FBF1: variants seen among roughly 807,000 people sequenced by gnomAD.
FBF1 encodes fas-binding factor 1.
In FBF1, 119 loss-of-function variants were observed where a neutral mutation model predicts 147.2. The ratio of observed to expected loss-of-function variants is 0.81; its 90% CI spans 0.70 to 0.94. The LOEUF (loss-of-function observed/expected upper bound fraction) is 0.94. Ranked by LOEUF, FBF1 falls within the 40% of genes least tolerant of loss-of-function variation. FBF1 has a pLI of 0.00. For missense variants in FBF1, 1,449 were observed against 1,500.8 expected (o/e 0.97, Z 0.57); for synonymous variants, 601 against 609.0 (o/e 0.99, Z 0.19).
Position 75,923,196 on chromosome 17 carries a change from G to C in FBF1, c.1414C>G (p.Pro472Ala). The C allele has an allele frequency of 6.3e-7, 1 of 1,583,744 alleles. No homozygotes were observed. Among genetic ancestry groups the C allele is most frequent in the Non-Finnish European group, 8.6e-7 (1 of 1,165,610 alleles). Residue 472 changes from proline to alanine, a missense_variant, in exon 14 of 30, where the codon CCT becomes GCT. Coordinates refer to ENST00000636174, the MANE Select transcript of FBF1 (RefSeq NM_001319193.2). This position sits in a 1 kb window ranked among gnomAD's most constrained non-coding sequence, Gnocchi z 4.1. Reference protein sequence around the residue: ...LHLAGTAGHPPSGSQPLTSTQ... With the variant: ...LHLAGTAGHPASGSQPLTSTQ... Reference sequence around the variant, plus strand: ...AGCCTAAGTCAGTACCTGCCAGAAGGGGGATGGCCCGCTGTCCCCGCCAAA... The same window carrying C: ...AGCCTAAGTCAGTACCTGCCAGAAGCGGGATGGCCCGCTGTCCCCGCCAAA...
At chr17:75,939,595 T>C (rs956935607) in intron 1 of FBF1, among the ~76,000 whole-genome samples, 1 of 152,212 alleles carries the variant, frequency 6.6e-6, no homozygotes, top group Non-Finnish European at 1.5e-5. Context: ...GGGGTCTCAC[T>C]GTGTTACTCA....
At chr17:75,914,400 G>T in intron 25 of FBF1, 102 bp from the exon 26 acceptor site, 3 of 1,458,888 alleles carry the variant, frequency 2.1e-6, no homozygotes, top group Non-Finnish European at 2.7e-6. Context: ...CCTGGGAGGA[G>T]GTGGTGGAGC....
Position 75,915,089 on chromosome 17 carries a change from G to A in FBF1, c.2556C>T (p.Arg852=), listed in dbSNP as rs1264636343. The A allele has an allele frequency of 6.2e-7, 1 of 1,612,876 alleles. No homozygotes were observed. Among genetic ancestry groups the A allele is most frequent in the South Asian group, 1.1e-5 (1 of 91,040 alleles). The change falls in exon 24 of 30, where the codon CGC becomes CGT. Residue 852 remains arginine (R), a synonymous_variant. Coordinates refer to ENST00000636174, the MANE Select transcript of FBF1 (RefSeq NM_001319193.2). ...AEQSKAESMQ[R]ALEEQRKVTA... is the part of the protein sequence containing the mutation. ...TGACCTTCCTTTGCTCCTCTAGGGCGCGCTGCATGGACTCCGCCTTGGACT... is the reference window on the plus strand; with the variant it reads ...TGACCTTCCTTTGCTCCTCTAGGGCACGCTGCATGGACTCCGCCTTGGACT...
chr17:75,928,259 A>C lies in FBF1; in HGVS notation c.280-66T>G. On this transcript the variant is annotated intron_variant, in intron 7 of 29. Coordinates refer to ENST00000636174, the MANE Select transcript of FBF1 (RefSeq NM_001319193.2). The surrounding 1 kb of genome is among the most constrained non-coding windows in gnomAD (Gnocchi z 4.2). The stretch of plus-strand genomic sequence containing the variant: ...AAGGGGCTGAGGACTTCCACCTGAG[A>C]GAGATGGGCTGTTGGCACCCCAGGT... The C allele has an allele frequency of 7.6e-7, 1 of 1,323,776 alleles. No individual in the cohort carries two copies. The highest frequency in any genetic ancestry group is 1.1e-6 in the Non-Finnish European group (1 of 924,752). The allele number at this position is 1,323,776 out of a possible 1,614,324, so 82.0% of individuals were successfully genotyped here.
In FBF1 at chr17:75,938,264, AATG is replaced by A; in HGVS notation, c.-83-35_-83-33del. On this transcript the variant is annotated intron_variant, in intron 1 of 29. Coordinates refer to ENST00000636174, the MANE Select transcript of FBF1 (RefSeq NM_001319193.2). Reference sequence around the variant, plus strand: ...AAGAAAATTAAAGTGGTTGCTTAAAAATGATGTAGCTTTGGCTGGGCGCCATGG... The same window carrying A: ...AAGAAAATTAAAGTGGTTGCTTAAAAATGTAGCTTTGGCTGGGCGCCATGG... The A allele has an allele frequency of 2.0e-6, 3 of 1,500,540 alleles. No homozygotes were observed. In the South Asian group the frequency reaches 3.5e-5, roughly 18 times the overall value. 93.0% of individuals were successfully genotyped at this position (1,500,540 alleles called of 1,614,324 possible). A position where few individuals can be genotyped will look rare whatever the true frequency, so the allele number is the denominator to read the frequency against.
rs1050489394 is a variant in FBF1, at chr17:75,923,055, C to T, written c.1424+131G>A. On this transcript the variant is annotated intron_variant, in intron 14 of 29. Coordinates refer to ENST00000636174, the MANE Select transcript of FBF1 (RefSeq NM_001319193.2). This position sits in a 1 kb window ranked among gnomAD's most constrained non-coding sequence, Gnocchi z 4.1. ...GCAGAGTAGCAAAGCCAAGAAGCGG[C>T]CTCTGTGGCCACGGCGCCCTGCCTT... 1.1e-5 allele frequency: 10 copies of T among 901,692 alleles called. No homozygotes were observed. Among genetic ancestry groups the T allele is most frequent in the African/African-American group, 1.0e-4 (6 of 59,012 alleles). The allele number at this position is 901,692 out of a possible 1,614,324, so 55.9% of individuals were successfully genotyped here.
rs2065558419 is a variant in FBF1, at chr17:75,925,964, T to C, written c.868+66A>G. On this transcript the variant is annotated intron_variant, in intron 12 of 29. Transcript: ENST00000636174. The surrounding 1 kb of genome is among the most constrained non-coding windows in gnomAD (Gnocchi z 5.0). ...TGTGAGGCTGATTTCTCATTATAGGTTGTGATGAAAGCCTGATCTAGAGGC... is the reference window on the plus strand; with the variant it reads ...TGTGAGGCTGATTTCTCATTATAGGCTGTGATGAAAGCCTGATCTAGAGGC... 1 of 1,517,984 alleles carries C rather than the reference T, an allele frequency of 6.6e-7. No homozygotes were observed. Among genetic ancestry groups the C allele is most frequent in the African/African-American group, 1.4e-5 (1 of 72,258 alleles). The allele number at this position is 1,517,984 out of a possible 1,614,324, so 94.0% of individuals were successfully genotyped here. A position where few individuals can be genotyped will look rare whatever the true frequency, so the allele number is the denominator to read the frequency against.
intron 4 of FBF1, among the ~76,000 whole-genome samples, chr17:75,933,495 C>T (rs373963960): frequency 2.2e-4 from 34 of 152,222 alleles, no homozygotes; most frequent in African/African-American, 7.7e-4. Context: ...TCGCTTGAAC[C>T]GGGAGACGGA....
At chr17:75,921,367 A>AG in intron 16 of FBF1, 65 bp from the exon 17 acceptor site, 1 of 1,554,838 alleles carries the variant, frequency 6.4e-7, no homozygotes. Flanking sequence ...AGTGTCCAGG[A>AG]GGGGCTGGTG....
At chr17:75,916,114 G>GT (rs1391814502) in intron 23 of FBF1, among the ~76,000 whole-genome samples, 1 of 151,712 alleles carries the variant, frequency 6.6e-6, no homozygotes, top group Admixed American at 6.6e-5. Context: ...GAGCTCAGGA[G>GT]TTTGAGATCA....
chr17:75,913,870 G>A lies in FBF1; in HGVS notation c.3129+43C>T, dbSNP rs552443727. 1.9e-6 allele frequency: 3 copies of A among 1,559,234 alleles called. No individual in the cohort carries two copies. The South Asian group carries it at 3.5e-5, about 18-fold the overall frequency. Reference sequence around the variant, plus strand: ...GACTCAGCTGTGAGGTGGGAGGCTGGGGGTGCCGGGGGCAGGGGCGCCATA... The same window carrying A: ...GACTCAGCTGTGAGGTGGGAGGCTGAGGGTGCCGGGGGCAGGGGCGCCATA... On this transcript the variant is annotated intron_variant, in intron 27 of 29. Transcript: ENST00000636174.
rs759684246 is a variant in FBF1 at position 75,923,690 on chromosome 17, G to A, written c.969-49C>T. 6.7e-7 allele frequency: 1 copy of A among 1,500,358 alleles called. No homozygotes were observed. Among genetic ancestry groups the A allele is most frequent in the East Asian group, 2.4e-5 (1 of 41,500 alleles). 92.9% of individuals were successfully genotyped at this position (1,500,358 alleles called of 1,614,324 possible). A position where few individuals can be genotyped will look rare whatever the true frequency, so the allele number is the denominator to read the frequency against. On this transcript the variant is annotated intron_variant, in intron 13 of 29. Coordinates refer to ENST00000636174, the MANE Select transcript of FBF1 (RefSeq NM_001319193.2). The surrounding 1 kb of genome is among the most constrained non-coding windows in gnomAD (Gnocchi z 4.1). ...CAGGCAGGGGAAACAGCCAGTCCCA[G>A]TGGCCCCCTAGCAGCCTGCAGCTGG...
At chr17:75,920,536 T>A in intron 17 of FBF1, 107 bp from the exon 18 acceptor site, 1 of 1,235,218 alleles carries the variant, frequency 8.1e-7, no homozygotes, top group Non-Finnish European at 1.1e-6. Context: ...GCATCTGATC[T>A]GTGGCTGCAG....
chr17:75,915,110 G>GGACT lies in FBF1; in HGVS notation c.2531_2534dup (p.Lys846ValfsTer68). The stretch of plus-strand genomic sequence containing the variant: ...GGGCGCGCTGCATGGACTCCGCCTT[G>GGACT]GACTGCTCGGCAGTCACCCGCCAGC... On this transcript the variant is annotated frameshift_variant, in exon 24 of 30. Transcript: ENST00000636174. LOFTEE classifies it high-confidence loss of function. 6.2e-7 allele frequency: 1 copy of GGACT among 1,610,932 alleles called. No individual in the cohort carries two copies. Among genetic ancestry groups the GGACT allele is most frequent in the Non-Finnish European group, 8.5e-7 (1 of 1,179,500 alleles).
rs533467523 is a variant in FBF1 at position 75,933,161 on chromosome 17, G to T, written c.74-73C>A. 85 of 1,191,164 alleles carry T rather than the reference G, an allele frequency of 7.1e-5. No individual in the cohort carries two copies. In the East Asian group the frequency reaches 2.2e-3, roughly 30 times the overall value. 73.8% of individuals were successfully genotyped at this position (1,191,164 alleles called of 1,614,324 possible). A position where few individuals can be genotyped will look rare whatever the true frequency, so the allele number is the denominator to read the frequency against. On this transcript the variant is annotated intron_variant, in intron 4 of 29. Transcript: ENST00000636174. Reference sequence around the variant, plus strand: ...GGAGTCAAGATGCAAAGGCTGGCAAGCTCCCTTCCCAAGCTGTCTCTGTAT... The same window carrying T: ...GGAGTCAAGATGCAAAGGCTGGCAATCTCCCTTCCCAAGCTGTCTCTGTAT...
Position 75,928,172 on chromosome 17 carries a change from C to T in FBF1, c.301G>A (p.Asp101Asn), listed in dbSNP as rs765492887. 3 of 1,613,852 alleles carry T rather than the reference C, an allele frequency of 1.9e-6. No individual in the cohort carries two copies. The highest frequency in any genetic ancestry group is 1.1e-5 in the South Asian group (1 of 91,078). The change falls in exon 8 of 30, where the codon GAT becomes AAT. Residue 101 changes from aspartate to asparagine, a missense_variant. Asp to Asn is a conservative substitution (Grantham distance 23, BLOSUM62 1). Transcript: ENST00000636174. This position sits in a 1 kb window ranked among gnomAD's most constrained non-coding sequence, Gnocchi z 4.2. ...TTAGATTTCTTCAGACCTAAGATAT[C>T]AGCATCCATGCCGTCCAGGTCCTAG... The part of the protein sequence containing the change: ...AMKDLDGMDA[D>N]ILGLKKSNSA...
At position 75,910,350 on chromosome 17, in the gene FBF1, A is replaced by C; in HGVS notation, c.*373T>G. 1 of 323,308 alleles carries C rather than the reference A, an allele frequency of 3.1e-6. No individual in the cohort carries two copies. Among genetic ancestry groups the C allele is most frequent in the Non-Finnish European group, 5.9e-6 (1 of 168,434 alleles). 20.0% of individuals were successfully genotyped at this position (323,308 alleles called of 1,614,324 possible). A position where few individuals can be genotyped will look rare whatever the true frequency, so the allele number is the denominator to read the frequency against. On this transcript the variant is annotated 3_prime_UTR_variant, in exon 30 of 30. Transcript: ENST00000636174. This position sits in a 1 kb window ranked among gnomAD's most constrained non-coding sequence, Gnocchi z 4.1. ...AAAGCTCCTGCCTCAGAAGAGGCCC[A>C]GGCAAAAAGAGCCCACAACAGTCTA...
intron 3 of FBF1, 123 bp from the exon 4 acceptor site, chr17:75,935,796 C>G (rs2065620961): frequency 7.1e-6 from 6 of 850,912 alleles, no homozygotes; most frequent in Non-Finnish European, 1.0e-5. Context: ...AGGCTTAGCT[C>G]TCCTTTCATT....
In FBF1 at chr17:75,920,424, C is replaced by G. The variant is rs1257087558; in HGVS notation, c.1680G>C (p.Leu560=). 1 of 1,606,428 alleles carries G rather than the reference C, an allele frequency of 6.2e-7. No homozygotes were observed. Among genetic ancestry groups the G allele is most frequent in the South Asian group, 1.1e-5 (1 of 89,388 alleles). The change falls in exon 18 of 30, where the codon CTG becomes CTC. Residue 560 remains leucine, a synonymous_variant. Coordinates refer to ENST00000636174, the MANE Select transcript of FBF1 (RefSeq NM_001319193.2). ...PTEPSVPVQP[L]LPESLARSLL... is the part of the protein sequence containing the mutation. ...GGCTCCGGGCCAGGGACTCTGGGAG[C>G]AGGGGCTGGAGGAGAGGAAGAGAGG...
Sources: allele counts gnomAD v4.1 joint callset (sites outside exome capture counted in the v4.1 genomes callset), GRCh38; gene constraint gnomAD v4.1.1; non-coding constraint Gnocchi (gnomAD v3.1); transcripts MANE v1.5; gene names NCBI Gene and HGNC (gene_info 2026-07-23, HGNC 2026-07-21).